Variants in LRP1B observed in about 807,000 individuals in gnomAD.
LRP1B encodes the protein LDL receptor related protein 1B.
Under a neutral mutation model 556.6 loss-of-function variants are expected in LRP1B, and 217 were observed. The observed-to-expected ratio is 0.39, with a 90% CI of 0.35 to 0.44. The LOEUF (loss-of-function observed/expected upper bound fraction) is 0.44, where lower values mean the gene tolerates loss of function less well. LRP1B is among the 20% of genes least tolerant of loss of function. LRP1B has a pLI of 1.00. For missense variants in LRP1B, 5,053 were observed against 5,620.8 expected, an observed-to-expected ratio of 0.90 and a Z score of 3.23; for synonymous variants, 2,047 against 1,865.8, an observed-to-expected ratio of 1.10 and a Z score of -2.50.
intron 1 of LRP1B, among the ~76,000 whole-genome samples, chr2:142,072,620 A>T (rs1705361022): frequency 6.6e-6 from 1 of 151,924 alleles, no homozygotes; most frequent in African/African-American, 2.4e-5. Context: ...CTCATCAGGC[A>T]TTATTAGTGT....
intron 82 of LRP1B, among the ~76,000 whole-genome samples, chr2:140,316,177 T>C (rs1004424008): frequency 6.6e-6 from 1 of 152,168 alleles, no homozygotes; most frequent in African/African-American, 2.4e-5. Context: ...GAGTGTTCAA[T>C]GGAACAAAAC....
At position 141,040,445 on chromosome 2, in the gene LRP1B, A is replaced by G. The variant is rs80126412; in HGVS notation, c.1789+8541T>C. On this transcript the variant is annotated intron_variant, in intron 11 of 90. Transcript: ENST00000389484. ...CAATGCTGAAGATCATTGAAATCCA[A>G]GGGTAAGAGGTGATTTAAAGGTGCA... 1.2e-3 allele frequency among the ~76,000 whole-genome samples: 189 copies of G among 152,162 alleles called. 1 individual carries two copies. In the East Asian group the frequency reaches 0.014, roughly 11 times the overall value.
At chr2:141,935,066 T>C (rs16848208) in intron 1 of LRP1B, among the ~76,000 whole-genome samples, 118,090 of 151,652 alleles carry the variant, frequency 0.78, 47,868 homozygotes, top group East Asian at 1. Flanking sequence ...CTATAAAAAA[T>C]GACAGTAAGA....
chr2:141,972,998 CATT>C (rs916486317), intron 1 of LRP1B, among the ~76,000 whole-genome samples: 15 of 151,658 alleles, frequency 9.9e-5, no homozygotes, highest in African/African-American at 3.6e-4. Flanking sequence ...TCAAATGTTT[CATT>C]ATGACAAAAA....
chr2:140,778,605 ATGAT>A (rs1164876160), intron 32 of LRP1B, among the ~76,000 whole-genome samples: 1 of 152,174 alleles, frequency 6.6e-6, no homozygotes, highest in Non-Finnish European at 1.5e-5. Context: ...TGCATAGTAA[ATGAT>A]TAATTTGTAG....
At chr2:141,241,323 C>T (rs1274339015) in intron 5 of LRP1B, among the ~76,000 whole-genome samples, 3 of 152,084 alleles carry the variant, frequency 2.0e-5, no homozygotes, top group East Asian at 3.9e-4. Context: ...TTCTGTAGTA[C>T]AGAGGCTTAT....
chr2:140,860,665 A>C (rs1692759768), intron 27 of LRP1B, among the ~76,000 whole-genome samples: 1 of 151,404 alleles, frequency 6.6e-6, no homozygotes, highest in African/African-American at 2.5e-5. Flanking sequence ...CATTCTTGAA[A>C]GATTTTTTTT....
intron 7 of LRP1B, among the ~76,000 whole-genome samples, chr2:141,166,881 A>G (rs540032716): frequency 1.1e-5 from 1 of 92,110 alleles, no homozygotes; most frequent in East Asian, 2.2e-4. Context: ...TTTTAGAAAA[A>G]TGTTTTGTTT....
chr2:141,666,316 T>A (rs189052202), intron 2 of LRP1B, among the ~76,000 whole-genome samples: 12 of 152,094 alleles, frequency 7.9e-5, no homozygotes, highest in Admixed American at 4.6e-4. Context: ...TAGATTACAA[T>A]ACAAGCAGGT....
chr2:141,401,945 A>C (rs553506645), intron 3 of LRP1B, among the ~76,000 whole-genome samples: 46 of 152,286 alleles, frequency 3.0e-4, no homozygotes, highest in Non-Finnish European at 4.9e-4. Flanking sequence ...CAAATTTTTA[A>C]GCATGTAAAC....
intron 3 of LRP1B, among the ~76,000 whole-genome samples, chr2:141,314,826 ATGTG>A (rs1553493237): frequency 4.2e-5 from 5 of 119,150 alleles, no homozygotes; most frequent in East Asian, 2.8e-4. Flanking sequence ...ATATATATAT[ATGTG>A]TATATATATA....
chr2:141,795,630 A>C (rs865806150), intron 2 of LRP1B, among the ~76,000 whole-genome samples: 1 of 151,908 alleles, frequency 6.6e-6, no homozygotes, highest in African/African-American at 2.4e-5. Context: ...ATTGGAAAGA[A>C]CAGAAAAGAA....
chr2:141,850,404 G>T (rs1047021898), intron 1 of LRP1B, among the ~76,000 whole-genome samples: 2 of 151,514 alleles, frequency 1.3e-5, no homozygotes, highest in Non-Finnish European at 1.5e-5. Context: ...TTTATTTTTA[G>T]TAGAATAATT....
intron 43 of LRP1B, among the ~76,000 whole-genome samples, chr2:140,582,194 A>G (rs901679182): frequency 1.3e-5 from 2 of 152,188 alleles, no homozygotes; most frequent in South Asian, 2.1e-4. Flanking sequence ...CCTATAGTAG[A>G]CTACAATAAT....
intron 1 of LRP1B, among the ~76,000 whole-genome samples, chr2:141,894,399 A>G (rs920110): frequency 0.88 from 132,475 of 151,152 alleles, 58,120 homozygotes; most frequent in East Asian, 1. Context: ...CCTTCCTGTG[A>G]CAGAGTGGGC....
chr2:141,164,753 T>C (rs979391622), intron 7 of LRP1B, among the ~76,000 whole-genome samples: 1 of 152,000 alleles, frequency 6.6e-6, no homozygotes, highest in African/African-American at 2.4e-5. Context: ...CATAGTTCCA[T>C]TGGACAGAAA....
intron 27 of LRP1B, among the ~76,000 whole-genome samples, chr2:140,861,133 G>A (rs748802797): frequency 7.2e-5 from 11 of 152,104 alleles, no homozygotes; most frequent in African/African-American, 1.2e-4. Context: ...GTGGCCGGGC[G>A]CAGTGGCTCA....
chr2:141,523,487 C>G (rs1210264661), intron 2 of LRP1B, among the ~76,000 whole-genome samples: 1 of 151,934 alleles, frequency 6.6e-6, no homozygotes, highest in Non-Finnish European at 1.5e-5. Context: ...AAACAAGCAC[C>G]TTACATGTGG....
At chr2:140,869,738 T>C (rs1407334709) in intron 25 of LRP1B, among the ~76,000 whole-genome samples, 1 of 152,024 alleles carries the variant, frequency 6.6e-6, no homozygotes, top group Non-Finnish European at 1.5e-5. Context: ...GACCATCAGT[T>C]TCTTGTTTCA....
Sources: gnomAD v4.1 joint callset for allele counts (sites outside exome capture counted in the v4.1 genomes callset) on GRCh38, gnomAD v4.1.1 for gene constraint, MANE v1.5 for transcripts, NCBI Gene and HGNC (gene_info 2026-07-23, HGNC 2026-07-21) for gene names.